STIL: variants seen among roughly 807,000 people sequenced by gnomAD.
STIL encodes the protein STIL centriolar assembly protein.
In STIL, 55 loss-of-function variants were observed where a neutral mutation model predicts 110.1. The observed-to-expected ratio is 0.50, with a 90% CI of 0.40 to 0.63. The LOEUF is 0.63. Ranked by LOEUF, STIL falls within the 20% of genes least tolerant of loss-of-function variation. The pLI is 0.00. For missense variants in STIL, 1,358 were observed against 1,530.0 expected, an observed-to-expected ratio of 0.89 and a Z score of 1.87; for synonymous variants, 481 against 530.0, an observed-to-expected ratio of 0.91 and a Z score of 1.27.
At chr1:47,253,052 G>A (rs892792291) in intron 16 of STIL, among the ~76,000 whole-genome samples, 23 of 152,084 alleles carry the variant, frequency 1.5e-4, no homozygotes, top group African/African-American at 5.1e-4. Flanking sequence ...CTGAGGTAAA[G>A]CGAGCCTCCC....
chr1:47,255,264 T>C (rs1453083124), intron 16 of STIL, among the ~76,000 whole-genome samples: 1 of 152,202 alleles, frequency 6.6e-6, no homozygotes, highest in Non-Finnish European at 1.5e-5. Context: ...TAAAATCTCA[T>C]TAGATGTGCA....
chr1:47,269,524 G>A (rs1644756978), intron 14 of STIL, 111 bp downstream of exon 14: 1 of 763,734 alleles, frequency 1.3e-6, no homozygotes, highest in African/African-American at 1.7e-5. Flanking sequence ...ATTCCATACT[G>A]TAAACATGCA....
At chr1:47,302,101 T>C in intron 4 of STIL, 133 bp downstream of exon 4, 1 of 700,916 alleles carries the variant, frequency 1.4e-6, no homozygotes, top group South Asian at 1.6e-5. Context: ...AATGTTTTCT[T>C]GTACTGATGG....
intron 16 of STIL, among the ~76,000 whole-genome samples, chr1:47,256,862 C>T (rs905368402): frequency 5.3e-5 from 8 of 151,294 alleles, no homozygotes; most frequent in Non-Finnish European, 7.4e-5. Flanking sequence ...GGCATGGTGG[C>T]GCATGCCTGT....
intron 7 of STIL, among the ~76,000 whole-genome samples, chr1:47,294,830 C>A (rs1160417278): frequency 6.6e-5 from 10 of 152,164 alleles, no homozygotes; most frequent in Admixed American, 6.5e-4. Flanking sequence ...GCCCTGAGTT[C>A]TTTAGGGTGA....
At chr1:47,306,690 A>G (rs1170330183) in intron 2 of STIL, among the ~76,000 whole-genome samples, 1 of 152,266 alleles carries the variant, frequency 6.6e-6, no homozygotes, top group Non-Finnish European at 1.5e-5. Context: ...ACCAAAATAC[A>G]GCACAAGTTT....
intron 13 of STIL, among the ~76,000 whole-genome samples, chr1:47,270,216 C>CAACT: frequency 7.9e-6 from 1 of 126,998 alleles, no homozygotes; most frequent in African/African-American, 3.0e-5. Flanking sequence ...CCAGCCTGGG[C>CAACT]AACTCTGGCT....
intron 14 of STIL, among the ~76,000 whole-genome samples, chr1:47,265,237 C>CAAAAA (rs61666574): frequency 0.04 from 2,034 of 51,166 alleles, 249 homozygotes; most frequent in Non-Finnish European, 0.057. Context: ...CTCCATCTCC[C>CAAAAA]AAAAAAAAAA....
At chr1:47,274,425 G>C (rs1023666529) in intron 12 of STIL, among the ~76,000 whole-genome samples, 4 of 148,454 alleles carry the variant, frequency 2.7e-5, no homozygotes, top group African/African-American at 1.0e-4. Flanking sequence ...CCGCCTCCCG[G>C]GTCCACGCCA....
intron 12 of STIL, 47 bp from the exon 13 acceptor site, chr1:47,272,288 CA>C: frequency 6.2e-7 from 1 of 1,600,956 alleles, no homozygotes; most frequent in Non-Finnish European, 8.6e-7. Flanking sequence ...AAGTAATCAA[CA>C]AAACTGGCAG....
chr1:47,291,957 A>C (rs1226939480), intron 8 of STIL, among the ~76,000 whole-genome samples: 1 of 151,838 alleles, frequency 6.6e-6, no homozygotes, highest in Non-Finnish European at 1.5e-5. Flanking sequence ...CCTGGGCTCA[A>C]GCGATCTTCC....
intron 8 of STIL, among the ~76,000 whole-genome samples, chr1:47,291,379 A>G (rs1204563584): frequency 6.6e-6 from 1 of 151,808 alleles, no homozygotes; most frequent in African/African-American, 2.4e-5. Context: ...TAAGTAAAAT[A>G]AAATAAATAA....
At chr1:47,284,960 T>C (rs1645253201) in intron 10 of STIL, among the ~76,000 whole-genome samples, 1 of 150,108 alleles carries the variant, frequency 6.7e-6, no homozygotes, top group South Asian at 2.1e-4. Flanking sequence ...GCCTTTGGAC[T>C]CAAATTGCAA....
intron 12 of STIL, among the ~76,000 whole-genome samples, chr1:47,275,224 G>C (rs886411489): frequency 6.6e-6 from 1 of 151,418 alleles, no homozygotes; most frequent in African/African-American, 2.4e-5. Context: ...AAATATGTGA[G>C]TCCAGTCATC....
chr1:47,289,762 G>A (rs897789551), intron 8 of STIL, among the ~76,000 whole-genome samples, 177 bp from the exon 9 acceptor site: 2 of 152,022 alleles, frequency 1.3e-5, no homozygotes, highest in African/African-American at 4.8e-5. Context: ...TTGAGGCCAG[G>A]AGTTTGAGAC....
intron 10 of STIL, among the ~76,000 whole-genome samples, chr1:47,285,020 C>CTTTTT (rs35801422): frequency 2.2e-5 from 3 of 134,718 alleles, no homozygotes; most frequent in Admixed American, 7.8e-5. Context: ...CATTTTTTGT[C>CTTTTT]TTTTTTTTTT....
chr1:47,298,088 T>C (rs1275148681), intron 6 of STIL, among the ~76,000 whole-genome samples: 2 of 152,224 alleles, frequency 1.3e-5, no homozygotes, highest in Admixed American at 1.3e-4. Context: ...ATTTTTCCTT[T>C]GGGCCACTCC....
chr1:47,263,210 G>C, intron 14 of STIL, 94 bp from the exon 15 acceptor site: 1 of 1,152,960 alleles, frequency 8.7e-7, no homozygotes, highest in Non-Finnish European at 1.3e-6. Context: ...GACTCAAGCA[G>C]CACCTGGTTG....
Position 47,260,376 on chromosome 1 carries a change from G to A in STIL, c.2993C>T (p.Ala998Val), listed in dbSNP as rs1471190253. ...AAGGCTTCTTAGTTGCTTAAGAGTT[G>A]CATTAAGGACACAATCTTTGTCCAC... is the stretch of plus-strand genomic sequence containing the variant. ...RLVDKDCVLNATLKQLRSLGV... is the reference protein window; with the variant it reads ...RLVDKDCVLNVTLKQLRSLGV... The change falls in exon 16 of 17, where the codon GCA becomes GTA. Residue 998 changes from alanine to valine, a missense_variant. Physicochemically the swap from Ala to Val is moderately conservative, Grantham distance 64. Coordinates refer to ENST00000371877, the MANE Select transcript of STIL (RefSeq NM_001048166.1). 5 of 1,614,122 alleles carry A rather than the reference G, an allele frequency of 3.1e-6. No homozygotes were observed. Among genetic ancestry groups the A allele is most frequent in the Non-Finnish European group, 4.2e-6 (5 of 1,180,008 alleles).
Sources: allele counts gnomAD v4.1 joint callset (sites outside exome capture counted in the v4.1 genomes callset), GRCh38; gene constraint gnomAD v4.1.1; transcripts MANE v1.5; gene names NCBI Gene and HGNC (gene_info 2026-07-23, HGNC 2026-07-21).